Variants in RPS29 observed in about 807,000 individuals in gnomAD.
RPS29 encodes the protein ribosomal protein S29, also known as small ribosomal subunit protein uS14.
For synonymous variants in RPS29, 37 were observed against 26.9 expected, an observed-to-expected ratio of 1.37 and a Z score of -1.16; for missense variants, 60 against 75.7, an observed-to-expected ratio of 0.79 and a Z score of 0.77.
downstream of RPS29, among the ~76,000 whole-genome samples, chr14:49,582,775 CAAG>C (rs1490027045): frequency 6.6e-6 from 1 of 152,130 alleles, no homozygotes; most frequent in Non-Finnish European, 1.5e-5. Context: ...TGTCAAATCC[CAAG>C]AATTTTCACC....
chr14:49,586,451 G>T (rs1881561838), upstream of RPS29: 1 of 997,614 alleles, frequency 1.0e-6, no homozygotes, highest in Non-Finnish European at 1.6e-6. Context: ...CAAAGGAAAC[G>T]CGTGCGCAGT....
chr14:49,583,561 C>A, downstream of RPS29: 1 of 1,198,324 alleles, frequency 8.3e-7, no homozygotes, highest in Non-Finnish European at 1.2e-6. Context: ...CACATTAGAA[C>A]ACTCATAAAC....
chr14:49,595,237 A>G (rs1881797236), intron 1 of RPS29, among the ~76,000 whole-genome samples: 1 of 152,034 alleles, frequency 6.6e-6, no homozygotes, highest in Non-Finnish European at 1.5e-5. Context: ...TCTGGATCAA[A>G]TGTGCTAGGG....
chr14:49,593,692 C>CAAAAAAAA lies in RPS29; in HGVS notation c.-133+4700_-133+4707dup, dbSNP rs10647593. Among the ~76,000 whole-genome samples the CAAAAAAAA allele has an allele frequency of 1.3e-3, 71 of 56,204 alleles. 3 individuals carry two copies. Among genetic ancestry groups the CAAAAAAAA allele is most frequent in the Non-Finnish European group, 1.6e-3 (51 of 31,420 alleles). 36.9% of individuals were successfully genotyped at this position (56,204 alleles called of 152,430 possible). On this transcript the variant is annotated intron_variant, in intron 1 of 3. Transcript: ENST00000556230. ...TGGGCGACAGAGCAAGACTCTGTCTCAAAAAAAAAAAAAAAAAAAAAAAAG... is the reference window on the plus strand; with the variant it reads ...TGGGCGACAGAGCAAGACTCTGTCTCAAAAAAAAAAAAAAAAAAAAAAAAAAAAAAAAG...
At chr14:49,585,783 CCAT>C in intron 2 of RPS29, 164 bp downstream of exon 2, 1 of 603,292 alleles carries the variant, frequency 1.7e-6, no homozygotes, top group East Asian at 2.8e-5. Context: ...ATTGCCCAAA[CCAT>C]CAACACTGTC....
At chr14:49,585,913 T>A (rs1881530223) in intron 2 of RPS29, 37 bp downstream of exon 2, 1 of 1,529,124 alleles carries the variant, frequency 6.5e-7, no homozygotes, top group East Asian at 2.3e-5. Context: ...CAACCTTCTC[T>A]GCCCAAACAA....
At chr14:49,592,704 T>C (rs1020200755) in intron 1 of RPS29, among the ~76,000 whole-genome samples, 1 of 149,922 alleles carries the variant, frequency 6.7e-6, no homozygotes, top group African/African-American at 2.5e-5. Flanking sequence ...AGGTCAGGAG[T>C]TCGAGACCAG....
chr14:49,592,064 T>TG (rs1240382870), intron 1 of RPS29, among the ~76,000 whole-genome samples: 1 of 152,168 alleles, frequency 6.6e-6, no homozygotes, highest in African/African-American at 2.4e-5. Flanking sequence ...TTTAATCCAT[T>TG]GGTAAGCTAG....
downstream of RPS29, among the ~76,000 whole-genome samples, chr14:49,580,949 G>T (rs1479029285): frequency 6.6e-6 from 1 of 152,070 alleles, no homozygotes; most frequent in East Asian, 1.9e-4. Flanking sequence ...ACTTTGGGAG[G>T]CCAAGGTAGG....
downstream of RPS29, among the ~76,000 whole-genome samples, chr14:49,583,416 G>A (rs994275772): frequency 6.6e-6 from 1 of 151,988 alleles, no homozygotes; most frequent in Non-Finnish European, 1.5e-5. Flanking sequence ...TAGGTTTGGA[G>A]GCTGAGGCAG....
chr14:49,582,755 G>A (rs753553841), downstream of RPS29, among the ~76,000 whole-genome samples: 4 of 152,208 alleles, frequency 2.6e-5, no homozygotes, highest in Non-Finnish European at 4.4e-5. Flanking sequence ...TAGGCTTCCA[G>A]ATGACAACGT....
exon 3 of RPS29, chr14:49,576,171 C>A (rs923890607): frequency 1.3e-5 from 2 of 151,594 alleles, no homozygotes; most frequent in Non-Finnish European, 2.9e-5. Context: ...GAAACCTGGA[C>A]CTCTTGGGCT....
chr14:49,583,552 A>C, downstream of RPS29: 1 of 1,082,920 alleles, frequency 9.2e-7, no homozygotes, highest in Non-Finnish European at 1.3e-6. Context: ...TATTCCAGTC[A>C]CATTAGAACA....
intron 1 of RPS29, 46 bp from the exon 2 acceptor site, chr14:49,586,095 G>A: frequency 6.5e-7 from 1 of 1,543,730 alleles, no homozygotes; most frequent in Non-Finnish European, 9.0e-7. Context: ...GAAATTACAA[G>A]ACTCCGCACT....
At chr14:49,590,615 C>T (rs1396408230), upstream of RPS29, among the ~76,000 whole-genome samples, 1 of 152,140 alleles carries the variant, frequency 6.6e-6, no homozygotes, top group Non-Finnish European at 1.5e-5. Flanking sequence ...ATACATGTTT[C>T]GCATGTTTGG....
At chr14:49,577,502 T>A in exon 3 of RPS29, 1 of 518,372 alleles carries the variant, frequency 1.9e-6, no homozygotes, top group South Asian at 1.8e-5. Flanking sequence ...ACATCATGAG[T>A]GATCTCAACA....
downstream of RPS29, among the ~76,000 whole-genome samples, chr14:49,580,956 T>C (rs182446103): frequency 9.3e-5 from 14 of 150,826 alleles, no homozygotes; most frequent in East Asian, 2.3e-3. Flanking sequence ...GAGGCCAAGG[T>C]AGGCAGATCA....
chr14:49,576,624 T>C (rs545794030), exon 3 of RPS29: 7 of 152,342 alleles, frequency 4.6e-5, no homozygotes, highest in Non-Finnish European at 8.8e-5. Flanking sequence ...GCTCATGCCT[T>C]GATTATGGTT....
At chr14:49,579,967 G>C (rs1447498319), downstream of RPS29, among the ~76,000 whole-genome samples, 3 of 152,072 alleles carry the variant, frequency 2.0e-5, no homozygotes, top group African/African-American at 7.2e-5. Flanking sequence ...CTGCTGAAAA[G>C]TACTCTAAGA....
Sources: gnomAD v4.1 joint callset for allele counts (sites outside exome capture counted in the v4.1 genomes callset) on GRCh38, gnomAD v4.1.1 for gene constraint, MANE v1.5 for transcripts, NCBI Gene and HGNC (gene_info 2026-07-23, HGNC 2026-07-21) for gene names.